Variants in CRY2 observed in about 807,000 individuals in gnomAD.
CRY2 encodes the protein cryptochrome circadian regulator 2, also known as cryptochrome-2.
In CRY2, 31 loss-of-function variants were observed where a neutral mutation model predicts 69.5. The ratio of observed to expected loss-of-function variants is 0.45; its 90% confidence interval spans 0.34 to 0.60. CRY2 has a LOEUF of 0.60. CRY2 is among the 20% of genes least tolerant of loss of function. The probability of loss-of-function intolerance (pLI) is 0.02; values close to 1 mark genes in which losing one functional copy is unlikely to be tolerated. For missense variants in CRY2, 606 were observed against 797.8 expected (o/e 0.76, Z 2.90); for synonymous variants, 303 against 312.2 (o/e 0.97, Z 0.31).
chr11:45,872,077 C>A lies in CRY2; in HGVS notation c.1643-15C>A. ...ATGCACAGTCTGTGTGACCCTTTGA[C>A]ACGCTTCCCTACAGGCCCAAGACCA... On this transcript the variant is annotated splice_polypyrimidine_tract_variant and intron_variant, in intron 10 of 11. Transcript: ENST00000616080. 1.2e-6 allele frequency: 2 copies of A among 1,613,584 alleles called. No homozygotes were observed. Among genetic ancestry groups the A allele is most frequent in the Non-Finnish European group, 1.7e-6 (2 of 1,179,670 alleles).
rs1417104105 is a variant in CRY2, at chr11:45,847,501, C to G, written c.11C>G (p.Thr4Ser). The G allele has an allele frequency of 1.9e-6, 3 of 1,596,186 alleles. No homozygotes were observed. Among genetic ancestry groups the G allele is most frequent in the Non-Finnish European group, 2.6e-6 (3 of 1,175,728 alleles). ...GCAGTCTGGACAGTCATGGCGGCGA[C>G]TGTGGCGACGGCGGCAGCTGTGGCC... The part of the protein sequence containing the change: MAA[T>S]VATAAAVAPA... The change falls in exon 1 of 12, where the codon ACT becomes AGT. Residue 4 changes from threonine to serine, a missense_variant. Coordinates refer to ENST00000616080, the MANE Select transcript of CRY2 (RefSeq NM_021117.5).
At chr11:45,861,962 T>C in intron 4 of CRY2, 98 bp from the exon 5 acceptor site, 1 of 1,013,754 alleles carries the variant, frequency 9.9e-7, no homozygotes, top group Non-Finnish European at 1.5e-6. Flanking sequence ...CGAGACACTG[T>C]GGTTCAATTC....
intron 3 of CRY2, among the ~76,000 whole-genome samples, chr11:45,859,201 T>A (rs913442709): frequency 6.6e-6 from 1 of 152,140 alleles, no homozygotes; most frequent in Middle Eastern, 3.2e-3. Context: ...GCTCAACAGC[T>A]GCCCTCTGAC....
At position 45,869,816 on chromosome 11, in the gene CRY2, G is replaced by A. The variant is rs1277859534; in HGVS notation, c.1193G>A (p.Arg398Gln). 5 of 1,602,226 alleles carry A rather than the reference G, an allele frequency of 3.1e-6. No homozygotes were observed. Among genetic ancestry groups the A allele is most frequent in the Non-Finnish European group, 3.4e-6 (4 of 1,172,094 alleles). The change falls in exon 7 of 12, where the codon CGG (arginine) becomes CAG (glutamine). Residue 398 changes from arginine to glutamine, a missense_variant and splice_region_variant. By Grantham distance (43) the Arg-to-Gln change is conservative. Around this residue, in one of 5 missense-constraint regions of CRY2, gnomAD observed 382 missense variants for 508.9 expected, o/e 0.75. Transcript: ENST00000616080. ...DLWVSWESGVRVFDELLLDAD... is the reference protein window; with the variant it reads ...DLWVSWESGVQVFDELLLDAD... Reference sequence around the variant, plus strand: ...TGGGTCAGCTGGGAGAGCGGGGTCCGGGTGAGTGCTCTCTCAACGAAAAGC... The same window carrying A: ...TGGGTCAGCTGGGAGAGCGGGGTCCAGGTGAGTGCTCTCTCAACGAAAAGC...
At chr11:45,858,425 G>A (rs1023621783) in intron 2 of CRY2, 17 of 270,634 alleles carry the variant, frequency 6.3e-5, no homozygotes, top group African/African-American at 1.1e-4. Context: ...TCCCAGGAGC[G>A]TTGTATTTAT....
chr11:45,871,807 G>A (rs1318983288), intron 10 of CRY2, among the ~76,000 whole-genome samples: 2 of 152,222 alleles, frequency 1.3e-5, no homozygotes, highest in Non-Finnish European at 2.9e-5. Flanking sequence ...CACCTTCAAA[G>A]CAGGACAGCA....
intron 8 of CRY2, 43 bp from the exon 9 acceptor site, chr11:45,870,287 G>C: frequency 6.2e-7 from 1 of 1,613,556 alleles, no homozygotes; most frequent in Non-Finnish European, 8.5e-7. Context: ...TTTGAAGGAG[G>C]GTCTGGGTAT....
At chr11:45,867,539 C>G in intron 5 of CRY2, 73 bp from the exon 6 acceptor site, 1 of 1,587,094 alleles carries the variant, frequency 6.3e-7, no homozygotes, top group Non-Finnish European at 8.6e-7. Flanking sequence ...GATTCCTTAA[C>G]CACCCAATGC....
At position 45,882,932 on chromosome 11, in the gene CRY2, C is replaced by T. The variant is rs927601824; in HGVS notation, c.*2021C>T. The T allele has an allele frequency of 2.9e-5, 11 of 384,974 alleles. No homozygotes were observed. Among genetic ancestry groups the T allele is most frequent in the Non-Finnish European group, 5.0e-5 (11 of 217,932 alleles). 23.8% of individuals were successfully genotyped at this position (384,974 alleles called of 1,614,324 possible). On this transcript the variant is annotated 3_prime_UTR_variant, in exon 12 of 12. Coordinates refer to ENST00000616080, the MANE Select transcript of CRY2 (RefSeq NM_021117.5). ...CTCCACCATCCCTAGCATGTCAGCC[C>T]GTTCCCAGATCAACCTGCCAGTGGA... is the stretch of plus-strand genomic sequence containing the variant.
intron 5 of CRY2, 61 bp downstream of exon 5, chr11:45,862,209 A>C: frequency 6.7e-7 from 1 of 1,501,906 alleles, no homozygotes; most frequent in Non-Finnish European, 9.1e-7. Flanking sequence ...CAGGAGATAC[A>C]GGTCATGTCC....
intron 5 of CRY2, among the ~76,000 whole-genome samples, chr11:45,866,804 G>A (rs548153443): frequency 5.3e-5 from 8 of 152,118 alleles, no homozygotes; most frequent in Non-Finnish European, 7.4e-5. Context: ...GAAATAGGCC[G>A]GGCACAGTGG....
chr11:45,860,402 A>AAC (rs1775888608), intron 3 of CRY2, among the ~76,000 whole-genome samples: 1 of 151,740 alleles, frequency 6.6e-6, no homozygotes, highest in East Asian at 1.9e-4. Context: ...AAAAAAAAAA[A>AAC]AAAACATGTC....
At position 45,877,179 on chromosome 11, in the gene CRY2, G is replaced by C. The variant is rs974400717; in HGVS notation, c.*3-3735G>C. Among the ~76,000 whole-genome samples the C allele has an allele frequency of 2.6e-5, 4 of 152,252 alleles. No individual in the cohort carries two copies. In the South Asian group the frequency reaches 8.3e-4, roughly 32 times the overall value. ...AAGGTGTGGTTGACCTGAGGAATGA[G>C]ATTGAGCTCAGAGCTTCAGCTCTCT... On this transcript the variant is annotated intron_variant, in intron 11 of 11. Transcript: ENST00000616080.
intron 6 of CRY2, 109 bp downstream of exon 6, chr11:45,867,861 C>A (rs1247861546): frequency 2.1e-6 from 3 of 1,443,400 alleles, no homozygotes; most frequent in African/African-American, 2.8e-5. Context: ...GGGCTATGGC[C>A]CCTGGAAGGG....
At chr11:45,872,594 T>TAAG (rs1042961415) in intron 11 of CRY2, among the ~76,000 whole-genome samples, 1 of 151,822 alleles carries the variant, frequency 6.6e-6, no homozygotes, top group Non-Finnish European at 1.5e-5. Context: ...AACATAATAA[T>TAAG]AATAATAATA....
intron 6 of CRY2, among the ~76,000 whole-genome samples, chr11:45,868,106 C>T (rs2086345984): frequency 6.6e-6 from 1 of 152,174 alleles, no homozygotes. Context: ...AGGCTGGAGC[C>T]AGTCTGAAGT....
chr11:45,856,366 ACTGG>A, intron 2 of CRY2: 1 of 358,696 alleles, frequency 2.8e-6, no homozygotes, highest in Admixed American at 4.5e-5. Flanking sequence ...TCTGGATGCC[ACTGG>A]CTTCCTTCAA....
At chr11:45,857,207 C>T (rs1208888415) in intron 2 of CRY2, among the ~76,000 whole-genome samples, 1 of 152,176 alleles carries the variant, frequency 6.6e-6, no homozygotes, top group Non-Finnish European at 1.5e-5. Flanking sequence ...TTGAGGGCTG[C>T]CTATGAGTCA....
At chr11:45,871,966 G>C in intron 10 of CRY2, 126 bp from the exon 11 acceptor site, 1 of 1,347,014 alleles carries the variant, frequency 7.4e-7, no homozygotes. Flanking sequence ...CAGGTCTGAG[G>C]AGCAGCATGC....
Sources: allele counts gnomAD v4.1 joint callset (sites outside exome capture counted in the v4.1 genomes callset), GRCh38; gene constraint gnomAD v4.1.1; regional missense constraint gnomAD v4.1.1; transcripts MANE v1.5; gene names NCBI Gene and HGNC (gene_info 2026-07-23, HGNC 2026-07-21).